Variants in SNTG1 observed in about 807,000 individuals in gnomAD.
SNTG1 encodes syntrophin gamma 1.
SNTG1 carries 39 observed loss-of-function variants against 74.7 expected under a neutral mutation model. The observed-to-expected ratio is 0.52, with a 90% CI of 0.40 to 0.68. The LOEUF (loss-of-function observed/expected upper bound fraction) is 0.68. Among genes scored for constraint, SNTG1 ranks in the 30% least tolerant of loss-of-function variants. The probability of loss-of-function intolerance (pLI) is 0.00; values close to 1 mark genes in which losing one functional copy is unlikely to be tolerated. For synonymous variants in SNTG1, 254 were observed against 217.1 expected, an observed-to-expected ratio of 1.17 and a Z score of -1.49; for missense variants, 685 against 609.5, an observed-to-expected ratio of 1.12 and a Z score of -1.30.
At chr8:50,355,162 T>C (rs564846894) in intron 2 of SNTG1, among the ~76,000 whole-genome samples, 1 of 152,158 alleles carries the variant, frequency 6.6e-6, no homozygotes, top group East Asian at 1.9e-4. Flanking sequence ...AGAATTGTAG[T>C]TCAAATATTT....
intron 1 of SNTG1, among the ~76,000 whole-genome samples, chr8:49,973,537 G>T (rs1811915559): frequency 6.6e-6 from 1 of 151,714 alleles, no homozygotes; most frequent in Non-Finnish European, 1.5e-5. Flanking sequence ...AAAGAAAAGA[G>T]TCTGGCTGAG....
chr8:50,769,838 C>T (rs2095622787), intron 18 of SNTG1, among the ~76,000 whole-genome samples: 1 of 151,954 alleles, frequency 6.6e-6, no homozygotes, highest in Admixed American at 6.6e-5. Flanking sequence ...AGAGATAAAG[C>T]AAAATTTTAT....
intron 4 of SNTG1, among the ~76,000 whole-genome samples, chr8:50,427,824 T>C (rs1003101099): frequency 6.6e-6 from 1 of 152,256 alleles, no homozygotes; most frequent in African/African-American, 2.4e-5. Flanking sequence ...TGGGACTATA[T>C]GTTCAAATAC....
At chr8:50,314,097 C>A (rs1321924851) in intron 2 of SNTG1, among the ~76,000 whole-genome samples, 1 of 149,676 alleles carries the variant, frequency 6.7e-6, no homozygotes, top group Non-Finnish European at 1.5e-5. Flanking sequence ...ACACCCACAG[C>A]CATGAGCTCA....
chr8:50,198,295 A>G (rs2131826493), intron 2 of SNTG1, among the ~76,000 whole-genome samples: 1 of 152,330 alleles, frequency 6.6e-6, no homozygotes, highest in South Asian at 2.1e-4. Context: ...GAAGGGAAAT[A>G]AATGCCCTTT....
chr8:50,517,555 G>A (rs2094143867), intron 9 of SNTG1, among the ~76,000 whole-genome samples: 1 of 137,776 alleles, frequency 7.3e-6, no homozygotes, highest in Non-Finnish European at 1.5e-5. Context: ...TATCTCATGT[G>A]CAAAGACACA....
chr8:50,232,365 A>T (rs545043959), intron 2 of SNTG1, among the ~76,000 whole-genome samples: 4 of 151,440 alleles, frequency 2.6e-5, no homozygotes, highest in Non-Finnish European at 5.9e-5. Flanking sequence ...TAATAATTTG[A>T]CAATTCAGCA....
intron 13 of SNTG1, among the ~76,000 whole-genome samples, chr8:50,636,290 G>T (rs2095038776): frequency 6.6e-6 from 1 of 151,826 alleles, no homozygotes; most frequent in South Asian, 2.1e-4. Flanking sequence ...ACCCTGGCTG[G>T]TGACTCACTA....
chr8:50,190,420 A>C (rs1486179172), intron 2 of SNTG1, among the ~76,000 whole-genome samples: 1 of 152,148 alleles, frequency 6.6e-6, no homozygotes, highest in Non-Finnish European at 1.5e-5. Context: ...TGCCCAATTT[A>C]AGTCTATTGT....
At chr8:50,385,620 A>C (rs2092561909) in intron 2 of SNTG1, among the ~76,000 whole-genome samples, 1 of 152,166 alleles carries the variant, frequency 6.6e-6, no homozygotes, top group Non-Finnish European at 1.5e-5. Flanking sequence ...AATCCTTGTG[A>C]GCTATTGACA....
At chr8:50,028,035 T>A (rs564268238) in intron 1 of SNTG1, among the ~76,000 whole-genome samples, 2 of 152,170 alleles carry the variant, frequency 1.3e-5, no homozygotes, top group African/African-American at 4.8e-5. Flanking sequence ...TAGTTCTATG[T>A]CACATTACCA....
rs566308467 is a variant in SNTG1 at position 50,186,557 on chromosome 8, A to G, written c.-28+13922A>G. Among the ~76,000 whole-genome samples the G allele has an allele frequency of 2.3e-4, 35 of 152,168 alleles. 1 individual carries two copies. Among genetic ancestry groups the G allele is most frequent in the Admixed American group, 6.5e-4 (10 of 15,270 alleles). On this transcript the variant is annotated intron_variant, in intron 2 of 18. Coordinates refer to ENST00000642720, the MANE Select transcript of SNTG1 (RefSeq NM_018967.5). ...AATATTGTTTCTTGACTTTTTAATAATTGTTATTCTGACTGGTGTGAGATG... is the reference window on the plus strand; with the variant it reads ...AATATTGTTTCTTGACTTTTTAATAGTTGTTATTCTGACTGGTGTGAGATG...
At chr8:50,019,890 T>C (rs1816667394) in intron 1 of SNTG1, among the ~76,000 whole-genome samples, 1 of 152,142 alleles carries the variant, frequency 6.6e-6, no homozygotes, top group Admixed American at 6.5e-5. Context: ...AAGAGTGTCC[T>C]CTAAACAGAG....
chr8:50,666,448 T>C (rs2131317498), intron 15 of SNTG1, among the ~76,000 whole-genome samples: 1 of 152,242 alleles, frequency 6.6e-6, no homozygotes, highest in East Asian at 1.9e-4. Flanking sequence ...ATGTTCTTGT[T>C]TGTAGAAGGT....
intron 2 of SNTG1, among the ~76,000 whole-genome samples, chr8:50,319,521 A>G (rs959483383): frequency 1.3e-5 from 2 of 152,202 alleles, no homozygotes. Flanking sequence ...AAACAAGGAT[A>G]ATTAGACATC....
chr8:50,401,139 CAT>C (rs1346600998), intron 3 of SNTG1, among the ~76,000 whole-genome samples: 4 of 151,824 alleles, frequency 2.6e-5, no homozygotes, highest in African/African-American at 9.7e-5. Flanking sequence ...TGTATATCCC[CAT>C]ATATATATTC....
intron 2 of SNTG1, among the ~76,000 whole-genome samples, chr8:50,354,188 A>G (rs543262451): frequency 3.9e-4 from 60 of 152,286 alleles, no homozygotes; most frequent in African/African-American, 1.3e-3. Context: ...GCTGTTACTA[A>G]AAGTCTTGAC....
chr8:50,732,276 T>TAATAAAATAAAATAAAA (rs2095514693), intron 17 of SNTG1, among the ~76,000 whole-genome samples: 1 of 151,968 alleles, frequency 6.6e-6, no homozygotes, highest in African/African-American at 2.4e-5. Context: ...AAACCTTGCA[T>TAATAAAATAAAATAAAA]TTATAGTTAA....
chr8:50,080,129 GT>G (rs1450962944), intron 1 of SNTG1, among the ~76,000 whole-genome samples: 1 of 151,964 alleles, frequency 6.6e-6, no homozygotes, highest in African/African-American at 2.4e-5. Flanking sequence ...TACAAAACTT[GT>G]TTATGAATTA....
Sources: gnomAD v4.1 joint callset for allele counts (sites outside exome capture counted in the v4.1 genomes callset) on GRCh38, gnomAD v4.1.1 for gene constraint, MANE v1.5 for transcripts, NCBI Gene and HGNC (gene_info 2026-07-23, HGNC 2026-07-21) for gene names.